ATXN10: variants seen among roughly 807,000 people sequenced by gnomAD.
ATXN10 encodes the protein ataxin-10.
Under a neutral mutation model 52.9 loss-of-function variants are expected in ATXN10, and 28 were observed. That is an observed-to-expected ratio of 0.53 (90% CI 0.39 to 0.73). The LOEUF (loss-of-function observed/expected upper bound fraction) is 0.73. Ranked by LOEUF, ATXN10 falls within the 30% of genes least tolerant of loss-of-function variation. The pLI is 0.00. For missense variants in ATXN10, 565 were observed against 577.0 expected, an observed-to-expected ratio of 0.98 and a Z score of 0.21; for synonymous variants, 226 against 221.5, an observed-to-expected ratio of 1.02 and a Z score of -0.18.
At chr22:45,741,267 G>A (rs1569044883) in intron 9 of ATXN10, among the ~76,000 whole-genome samples, 1 of 152,172 alleles carries the variant, frequency 6.6e-6, no homozygotes, top group African/African-American at 2.4e-5. Context: ...CTCCCCTGTC[G>A]AGGGTTGGCA....
At chr22:45,734,003 A>G (rs1416997119) in intron 7 of ATXN10, among the ~76,000 whole-genome samples, 1 of 152,056 alleles carries the variant, frequency 6.6e-6, no homozygotes, top group Admixed American at 6.5e-5. Context: ...TAGTTGAATA[A>G]TATTTAACTA....
rs1210920580 is a variant in ATXN10, at chr22:45,722,588, C to T, written c.728+4095C>T. On this transcript the variant is annotated intron_variant, in intron 6 of 11. Transcript: ENST00000252934. ...TAATAAAGCTGCATTATACAGGCGGCATCTGCTGGGCCAGGGAGAAGTTGA... is the reference window on the plus strand; with the variant it reads ...TAATAAAGCTGCATTATACAGGCGGTATCTGCTGGGCCAGGGAGAAGTTGA... Among the ~76,000 whole-genome samples, 5 of 152,182 alleles carry T rather than the reference C, an allele frequency of 3.3e-5. No homozygotes were observed. The South Asian group carries it at 6.2e-4, about 19-fold the overall frequency.
chr22:45,780,595 G>T lies in ATXN10; in HGVS notation c.1174-26364G>T, dbSNP rs1311200757. 6.6e-6 allele frequency among the ~76,000 whole-genome samples: 1 copy of T among 152,214 alleles called. No individual in the cohort carries two copies. The highest frequency in any genetic ancestry group is 1.5e-5 in the Non-Finnish European group (1 of 68,036). ...AAGTCCTGCCTCAGAGGCTCATAGG[G>T]AGGATTAGGTCAGATACTACATGTA... On this transcript the variant is annotated intron_variant, in intron 9 of 11. Coordinates refer to ENST00000252934, the MANE Select transcript of ATXN10 (RefSeq NM_013236.4). The surrounding 1 kb of genome is among the most constrained non-coding windows in gnomAD (Gnocchi z 4.0).
intron 10 of ATXN10, among the ~76,000 whole-genome samples, chr22:45,814,789 G>C (rs892931933): frequency 6.6e-6 from 1 of 152,210 alleles, no homozygotes; most frequent in South Asian, 2.1e-4. Context: ...CACCACCTGA[G>C]CTCCGTCTCC....
At chr22:45,803,507 C>T (rs980206180) in intron 9 of ATXN10, among the ~76,000 whole-genome samples, 1 of 152,152 alleles carries the variant, frequency 6.6e-6, no homozygotes, top group African/African-American at 2.4e-5. Context: ...AAACCAACCT[C>T]AATCTGGCGT....
rs570392466 is a variant in ATXN10 at position 45,838,129 on chromosome 22, ATCAATC to A, written c.1238-4860_1238-4855del. Among the ~76,000 whole-genome samples the A allele has an allele frequency of 2.6e-4, 39 of 152,376 alleles. No homozygotes were observed. In the East Asian group the frequency reaches 6.7e-3, roughly 26 times the overall value. On this transcript the variant is annotated intron_variant, in intron 10 of 11. Coordinates refer to ENST00000252934, the MANE Select transcript of ATXN10 (RefSeq NM_013236.4). ...TGTACTTTAAAAGTGAGCTTGGCAC[ATCAATC>A]TGCTGGTTATTAATACCCTTACTGT...
rs1394005935 is a variant in ATXN10, at chr22:45,786,384, G to A, written c.1174-20575G>A. Among the ~76,000 whole-genome samples, 1 of 152,176 alleles carries A rather than the reference G, an allele frequency of 6.6e-6. No individual in the cohort carries two copies. Among genetic ancestry groups the A allele is most frequent in the Non-Finnish European group, 1.5e-5 (1 of 68,024 alleles). ...TTTTTGGAGGTGTCATGGGGAGCAG[G>A]GTTAGTTTATGGGATGCAGTCTCTG... On this transcript the variant is annotated intron_variant, in intron 9 of 11. Coordinates refer to ENST00000252934, the MANE Select transcript of ATXN10 (RefSeq NM_013236.4). This position sits in a 1 kb window ranked among gnomAD's most constrained non-coding sequence, Gnocchi z 4.1.
chr22:45,706,325 T>C (rs1924040725), intron 5 of ATXN10, among the ~76,000 whole-genome samples: 1 of 152,256 alleles, frequency 6.6e-6, no homozygotes. Context: ...AAAGGTTTGT[T>C]AGAGTTTTTG....
rs111706438 is a variant in ATXN10, at chr22:45,773,445, A to ATTATTTATTTATTTATTTAT, written c.1173+32918_1173+32937dup. 7.5e-4 allele frequency among the ~76,000 whole-genome samples: 112 copies of ATTATTTATTTATTTATTTAT among 149,376 alleles called. 1 individual carries two copies. The highest frequency in any genetic ancestry group is 6.9e-3 in the Middle Eastern group (2 of 290). ...GAACCTACTTTTTACTGAATGAAGAATTATTTATTTATTTATTTATTTATT... is the reference window on the plus strand; with the variant it reads ...GAACCTACTTTTTACTGAATGAAGAATTATTTATTTATTTATTTATTTATTTATTTATTTATTTATTTATT... On this transcript the variant is annotated intron_variant, in intron 9 of 11. Coordinates refer to ENST00000252934, the MANE Select transcript of ATXN10 (RefSeq NM_013236.4).
In ATXN10 at chr22:45,702,817, C is replaced by G. The variant is rs996336617; in HGVS notation, c.617C>G (p.Ala206Gly). ...NLNIAIDVID[A>G]YQKHPESEWP... ...AATATTGCAATTGATGTCATAGATGCTTACCAAAAACATCCTGAATCAGAA... is the reference window on the plus strand; with the variant it reads ...AATATTGCAATTGATGTCATAGATGGTTACCAAAAACATCCTGAATCAGAA... Residue 206 changes from alanine to glycine, a missense_variant, in exon 5 of 12, where the codon GCT (alanine) becomes GGT (glycine). Coordinates refer to ENST00000252934, the MANE Select transcript of ATXN10 (RefSeq NM_013236.4). 3 of 1,613,782 alleles carry G rather than the reference C, an allele frequency of 1.9e-6. No homozygotes were observed. The highest frequency in any genetic ancestry group is 2.5e-6 in the Non-Finnish European group (3 of 1,179,976).
chr22:45,709,939 T>C (rs1924182065), intron 5 of ATXN10, among the ~76,000 whole-genome samples: 1 of 152,204 alleles, frequency 6.6e-6, no homozygotes. Context: ...TTATACTCAT[T>C]AGCCCTATCT....
At chr22:45,725,425 T>C (rs1358191402) in intron 6 of ATXN10, among the ~76,000 whole-genome samples, 1 of 150,226 alleles carries the variant, frequency 6.7e-6, no homozygotes, top group Non-Finnish European at 1.5e-5. Context: ...TTTTTGCAGC[T>C]ATTTTAAAAG....
intron 9 of ATXN10, among the ~76,000 whole-genome samples, chr22:45,791,705 G>T (rs1212284419): frequency 1.3e-5 from 2 of 152,076 alleles, no homozygotes; most frequent in Non-Finnish European, 2.9e-5. Context: ...TTAGGGGAAG[G>T]GGATCTATTT....
intron 5 of ATXN10, among the ~76,000 whole-genome samples, chr22:45,714,474 A>T (rs1924370799): frequency 6.6e-6 from 1 of 152,016 alleles, no homozygotes; most frequent in South Asian, 2.1e-4. Context: ...TCAATCTCCC[A>T]GGCTCAAGTA....
At chr22:45,808,754 G>C (rs2146886679) in intron 10 of ATXN10, among the ~76,000 whole-genome samples, 1 of 152,216 alleles carries the variant, frequency 6.6e-6, no homozygotes, top group East Asian at 1.9e-4. Flanking sequence ...AAGTCACCGG[G>C]AGGAGACAGA....
chr22:45,679,145 A>T (rs890354752), intron 1 of ATXN10: 2 of 152,130 alleles, frequency 1.3e-5, no homozygotes, highest in African/African-American at 2.4e-5. Context: ...AACTTCACAT[A>T]ATCACTTAAT....
chr22:45,706,900 T>C (rs1052914307), intron 5 of ATXN10, among the ~76,000 whole-genome samples: 3 of 152,198 alleles, frequency 2.0e-5, no homozygotes, highest in Non-Finnish European at 2.9e-5. Context: ...AGATGGTTGA[T>C]AGTGTTGTTT....
At chr22:45,797,302 G>C (rs1480612686) in intron 9 of ATXN10, among the ~76,000 whole-genome samples, 2 of 152,180 alleles carry the variant, frequency 1.3e-5, no homozygotes, top group African/African-American at 2.4e-5. Context: ...CACCAAGACA[G>C]ACCATATGCT....
chr22:45,753,607 A>G (rs964773916), intron 9 of ATXN10, among the ~76,000 whole-genome samples: 2 of 151,300 alleles, frequency 1.3e-5, no homozygotes, highest in Non-Finnish European at 2.9e-5. Flanking sequence ...CGGTTTCACT[A>G]TGTTGGCCAG....
Sources: allele counts gnomAD v4.1 joint callset (sites outside exome capture counted in the v4.1 genomes callset), GRCh38; gene constraint gnomAD v4.1.1; non-coding constraint Gnocchi (gnomAD v3.1); transcripts MANE v1.5; gene names NCBI Gene and HGNC (gene_info 2026-07-23, HGNC 2026-07-21).